The following COG3 variants were observed in gnomAD, a reference collection of about 807,000 sequenced individuals.
COG3 encodes the protein conserved oligomeric Golgi complex subunit 3.
A neutral mutation model predicts 114.1 loss-of-function variants in COG3; 32 were observed. The ratio of observed to expected loss-of-function variants is 0.28; its 90% CI spans 0.21 to 0.38. The LOEUF is 0.38. COG3 is among the 10% of genes least tolerant of loss of function. The pLI, the probability that COG3 is intolerant of heterozygous loss-of-function variation, is 1.00. For missense variants in COG3, 813 were observed against 973.2 expected (o/e 0.84, Z 2.19); for synonymous variants, 352 against 365.7 (o/e 0.96, Z 0.43).
At chr13:45,526,037 G>A (rs1383865980) in intron 20 of COG3, among the ~76,000 whole-genome samples, 1 of 143,376 alleles carries the variant, frequency 7.0e-6, no homozygotes, top group African/African-American at 2.5e-5. Flanking sequence ...TTTTCTTTGG[G>A]AAAAAGGATT....
At position 45,480,212 on chromosome 13, in the gene COG3, T is replaced by C; in HGVS notation, c.471T>C (p.Ser157=). The part of the protein sequence containing the change: ...DVNSALQHLE[S]LQKQYLFVSN... ...ACAGTGCTCTTCAGCATCTGGAGTCTTTGCAGAAACAGTATCTTTTTGTGT... is the reference window on the plus strand; with the variant it reads ...ACAGTGCTCTTCAGCATCTGGAGTCCTTGCAGAAACAGTATCTTTTTGTGT... Residue 157 remains serine, a synonymous_variant, in exon 4 of 23, where the codon TCT becomes TCC. Coordinates refer to ENST00000349995, the MANE Select transcript of COG3 (RefSeq NM_031431.4). 3 of 1,613,802 alleles carry C rather than the reference T, an allele frequency of 1.9e-6. No individual in the cohort carries two copies. In the South Asian group the frequency reaches 3.3e-5, roughly 18 times the overall value.
chr13:45,526,122 T>C (rs1397309645), intron 20 of COG3, among the ~76,000 whole-genome samples: 1 of 135,292 alleles, frequency 7.4e-6, no homozygotes, highest in Admixed American at 7.6e-5. Context: ...GGAGTCTTGC[T>C]CTGTTGCCCA....
intron 22 of COG3, among the ~76,000 whole-genome samples, chr13:45,533,364 T>C (rs924599888): frequency 6.6e-6 from 1 of 152,192 alleles, no homozygotes; most frequent in African/African-American, 2.4e-5. Context: ...GCAAGAATAG[T>C]GTAAGGAGTG....
chr13:45,533,246 C>CTT, intron 22 of COG3, among the ~76,000 whole-genome samples: 1 of 151,618 alleles, frequency 6.6e-6, no homozygotes, highest in South Asian at 2.1e-4. Flanking sequence ...GTTATAGTCA[C>CTT]TTGCATGAAT....
At chr13:45,507,277 C>T (rs533872286) in intron 14 of COG3, among the ~76,000 whole-genome samples, 132 of 152,258 alleles carry the variant, frequency 8.7e-4, no homozygotes, top group Non-Finnish European at 1.6e-3. Context: ...ATTTCATCTC[C>T]TAAATATTCT....
chr13:45,532,008 A>G (rs1873202429), intron 22 of COG3: 1 of 152,204 alleles, frequency 6.6e-6, no homozygotes, highest in African/African-American at 2.4e-5. Flanking sequence ...ATTACTCCCC[A>G]GAAAAACCCC....
intron 2 of COG3, among the ~76,000 whole-genome samples, chr13:45,478,127 C>A (rs1886002060): frequency 6.6e-6 from 1 of 151,672 alleles, no homozygotes; most frequent in African/African-American, 2.4e-5. Context: ...AATACTCTTC[C>A]TTAATTTGAC....
At chr13:45,497,926 A>C (rs759607637) in intron 13 of COG3, among the ~76,000 whole-genome samples, 1 of 152,218 alleles carries the variant, frequency 6.6e-6, no homozygotes, top group African/African-American at 2.4e-5. Flanking sequence ...ATGAGTAAAG[A>C]TATCAAGTCA....
intron 7 of COG3, among the ~76,000 whole-genome samples, chr13:45,485,179 G>A (rs1886520468): frequency 2.7e-5 from 4 of 147,298 alleles, no homozygotes; most frequent in South Asian, 2.2e-4. Flanking sequence ...AGGGGCGGCC[G>A]GGCAGAGGCG....
In COG3 at chr13:45,535,109, G is replaced by A; in HGVS notation, c.*378G>A. ...AGAAATCAAGCGAATTAGAAGGCCT[G>A]TAAGAGTAAGGTTTGCTAAAACGTG... is the stretch of plus-strand genomic sequence containing the variant. On this transcript the variant is annotated 3_prime_UTR_variant, in exon 23 of 23. Coordinates refer to ENST00000349995, the MANE Select transcript of COG3 (RefSeq NM_031431.4). 9.8e-7 allele frequency: 1 copy of A among 1,018,772 alleles called. No individual in the cohort carries two copies. Among genetic ancestry groups the A allele is most frequent in the African/African-American group, 1.7e-5 (1 of 58,720 alleles). The allele number at this position is 1,018,772 out of a possible 1,614,324, so 63.1% of individuals were successfully genotyped here.
intron 17 of COG3, among the ~76,000 whole-genome samples, chr13:45,517,354 C>T (rs960348587): frequency 6.6e-6 from 1 of 152,126 alleles, no homozygotes; most frequent in Non-Finnish European, 1.5e-5. Context: ...ATTTAACTCA[C>T]CCGAGAGCCA....
In COG3 at chr13:45,511,748, C is replaced by T; in HGVS notation, c.1720-17C>T. The T allele has an allele frequency of 1.9e-6, 3 of 1,598,240 alleles. No homozygotes were observed. The highest frequency in any genetic ancestry group is 1.7e-5 in the Admixed American group (1 of 59,824). ...TGTCAAATGCCACAGGCTGATTATT[C>T]TCTTTTATTCCACCAGAGGGCAGTG... On this transcript the variant is annotated splice_polypyrimidine_tract_variant and intron_variant, in intron 15 of 22. Transcript: ENST00000349995.
At chr13:45,519,850 T>C (rs1871929409) in intron 19 of COG3, among the ~76,000 whole-genome samples, 1 of 152,232 alleles carries the variant, frequency 6.6e-6, no homozygotes. Flanking sequence ...CTCTGTCTTC[T>C]AATCTAAAAT....
chr13:45,484,393 G>T (rs1039852529), intron 7 of COG3, among the ~76,000 whole-genome samples: 1 of 152,130 alleles, frequency 6.6e-6, no homozygotes, highest in South Asian at 2.1e-4. Context: ...ACTTGGGCCA[G>T]TGTCCTACAT....
intron 16 of COG3, among the ~76,000 whole-genome samples, chr13:45,512,197 ATCTC>A (rs1335376247): frequency 6.6e-6 from 1 of 152,190 alleles, no homozygotes; most frequent in Non-Finnish European, 1.5e-5. Context: ...ATTTATAATC[ATCTC>A]TCTCTACGAT....
chr13:45,531,586 C>A (rs1194851105), intron 22 of COG3, among the ~76,000 whole-genome samples: 6 of 151,766 alleles, frequency 4.0e-5, no homozygotes. Flanking sequence ...CGGCTCACTG[C>A]AACCTCTGCC....
chr13:45,528,417 C>T (rs1001631055), intron 20 of COG3, among the ~76,000 whole-genome samples: 1 of 152,252 alleles, frequency 6.6e-6, no homozygotes, highest in Non-Finnish European at 1.5e-5. Flanking sequence ...TGGATCAGGA[C>T]CCCTTTCCAG....
At chr13:45,507,941 A>C (rs1295632804) in intron 14 of COG3, among the ~76,000 whole-genome samples, 1 of 146,686 alleles carries the variant, frequency 6.8e-6, no homozygotes, top group Admixed American at 6.8e-5. Flanking sequence ...TGGTGGCATG[A>C]GCCTGTGATC....
At chr13:45,466,628 A>C (rs1371873772) in intron 1 of COG3, 2 of 152,130 alleles carry the variant, frequency 1.3e-5, no homozygotes, top group Admixed American at 1.3e-4. Context: ...TTGCTCTATA[A>C]ATTTTCCAGT....
Sources: gnomAD v4.1 joint callset for allele counts (sites outside exome capture counted in the v4.1 genomes callset) on GRCh38, gnomAD v4.1.1 for gene constraint, MANE v1.5 for transcripts, NCBI Gene and HGNC (gene_info 2026-07-23, HGNC 2026-07-21) for gene names.